The following LRSAM1 variants were observed in gnomAD, a reference collection of about 807,000 sequenced individuals.
LRSAM1 encodes the protein E3 ubiquitin-protein ligase LRSAM1.
In LRSAM1, 96 loss-of-function variants were observed where a neutral mutation model predicts 118.1. That is an observed-to-expected ratio of 0.81 (90% confidence interval 0.69 to 0.96). LRSAM1 has a LOEUF of 0.96. LRSAM1 is among the 40% of genes least tolerant of loss of function. LRSAM1 has a pLI of 0.00. For synonymous variants in LRSAM1, 322 were observed against 364.2 expected (o/e 0.88, Z 1.32); for missense variants, 804 against 915.5 (o/e 0.88, Z 1.57).
Position 127,491,256 on chromosome 9 carries a change from GGAGTTAAAGAGGAAGTCCCTGGACACA to G in LRSAM1, c.1469_1495del (p.Leu490_Glu498del). On this transcript the variant is annotated inframe_deletion, in exon 20 of 26. Coordinates refer to ENST00000300417, the MANE Select transcript of LRSAM1 (RefSeq NM_001005373.4). ...CTGAGTTATTGCAGCTGACACAGCT[GGAGTTAAAGAGGAAGTCCCTGGACACA>G]GAGTCACTCCAGGTATGTAGGGCTC... is the stretch of plus-strand genomic sequence containing the variant. The G allele has an allele frequency of 1.2e-6, 2 of 1,613,936 alleles. No homozygotes were observed. The highest frequency in any genetic ancestry group is 1.7e-6 in the Non-Finnish European group (2 of 1,180,010).
chr9:127,476,767 C>T (rs932962907), intron 11 of LRSAM1, among the ~76,000 whole-genome samples: 13 of 152,054 alleles, frequency 8.5e-5, no homozygotes, highest in African/African-American at 2.4e-4. Context: ...CTCTGCCTCT[C>T]AGGTTCAAGC....
intron 11 of LRSAM1, among the ~76,000 whole-genome samples, chr9:127,474,172 T>G (rs1183596665): frequency 6.6e-6 from 1 of 151,980 alleles, no homozygotes; most frequent in African/African-American, 2.4e-5. Context: ...TTCCCTGAAC[T>G]AACCATGATC....
intron 17 of LRSAM1, among the ~76,000 whole-genome samples, chr9:127,487,216 C>G (rs965146677): frequency 6.6e-6 from 1 of 151,418 alleles, no homozygotes; most frequent in African/African-American, 2.4e-5. Flanking sequence ...AAGATGGTGC[C>G]AAAGCACAAA....
chr9:127,490,832 A>C (rs1835907471), intron 19 of LRSAM1, among the ~76,000 whole-genome samples: 1 of 152,140 alleles, frequency 6.6e-6, no homozygotes, highest in South Asian at 2.1e-4. Flanking sequence ...TGCGAGGGAC[A>C]AGAGAACTTG....
At position 127,503,287 on chromosome 9, in the gene LRSAM1, G is replaced by T; in HGVS notation, c.*388G>T. 3.3e-6 allele frequency: 1 copy of T among 299,536 alleles called. No homozygotes were observed. Among genetic ancestry groups the T allele is most frequent in the South Asian group, 3.1e-5 (1 of 32,334 alleles). 18.6% of individuals were successfully genotyped at this position (299,536 alleles called of 1,614,324 possible). A position where few individuals can be genotyped will look rare whatever the true frequency, so the allele number is the denominator to read the frequency against. On this transcript the variant is annotated 3_prime_UTR_variant, in exon 26 of 26. Coordinates refer to ENST00000300417, the MANE Select transcript of LRSAM1 (RefSeq NM_001005373.4). Reference sequence around the variant, plus strand: ...ACAGGCCCGTCCCACCCTGCATGTGGGAAGGGAGCAGGAGGGCCTGGCTGG... The same window carrying T: ...ACAGGCCCGTCCCACCCTGCATGTGTGAAGGGAGCAGGAGGGCCTGGCTGG...
intron 25 of LRSAM1, among the ~76,000 whole-genome samples, 187 bp downstream of exon 25, chr9:127,501,330 C>A (rs1343594831): frequency 2.0e-5 from 3 of 152,050 alleles, no homozygotes; most frequent in Admixed American, 6.6e-5. Flanking sequence ...GCGCTCACAT[C>A]ATTTTCCGGA....
At chr9:127,482,211 C>T (rs575502037) in intron 15 of LRSAM1, among the ~76,000 whole-genome samples, 3 of 145,944 alleles carry the variant, frequency 2.1e-5, no homozygotes, top group South Asian at 2.1e-4. Flanking sequence ...GGCACGATCT[C>T]GGCTCACTGC....
In LRSAM1 at chr9:127,489,502, G is replaced by T; in HGVS notation, c.1406G>T (p.Arg469Leu). 6.2e-7 allele frequency: 1 copy of T among 1,608,802 alleles called. No homozygotes were observed. Among genetic ancestry groups the T allele is most frequent in the Non-Finnish European group, 8.5e-7 (1 of 1,178,324 alleles). ...CAGGTGAAGAAAGACCTGATGCATC[G>T]GCAGATCAGGAGCCAGGTGAGCGCT... ...ALQVKKDLMH[R>L]QIRSQIKLIE... The change falls in exon 19 of 26, where the codon CGG (arginine) becomes CTG (leucine). Residue 469 changes from arginine to leucine, a missense_variant. By Grantham distance (102) the Arg-to-Leu change is moderately radical (BLOSUM62 -2). Transcript: ENST00000300417.
chr9:127,482,627 G>A (rs1384193478), intron 15 of LRSAM1, among the ~76,000 whole-genome samples: 1 of 152,186 alleles, frequency 6.6e-6, no homozygotes, highest in South Asian at 2.1e-4. Context: ...TAGGTGAAAA[G>A]ATTTTACTTT....
chr9:127,477,515 C>T (rs547939145), intron 11 of LRSAM1, among the ~76,000 whole-genome samples: 122 of 151,612 alleles, frequency 8.0e-4, no homozygotes, highest in African/African-American at 2.8e-3. Flanking sequence ...TTTGGGAGGC[C>T]GAGTCGGGTG....
intron 2 of LRSAM1, among the ~76,000 whole-genome samples, chr9:127,453,325 A>G (rs1474177335): frequency 3.3e-5 from 5 of 152,120 alleles, no homozygotes; most frequent in Admixed American, 2.6e-4. Context: ...CAAGTGACCC[A>G]CCTGTCTTGG....
chr9:127,459,171 C>G, intron 7 of LRSAM1, 100 bp downstream of exon 7: 1 of 1,193,556 alleles, frequency 8.4e-7, no homozygotes, highest in Non-Finnish European at 1.2e-6. Flanking sequence ...CCAGTGGAAG[C>G]AGGCTGCAAT....
At chr9:127,461,283 G>T in intron 8 of LRSAM1, 26 bp downstream of exon 8, 3 of 1,600,748 alleles carry the variant, frequency 1.9e-6, no homozygotes, top group Middle Eastern at 1.7e-4. Flanking sequence ...CCGTGTCCGT[G>T]TGACCCTCCA....
intron 10 of LRSAM1, among the ~76,000 whole-genome samples, chr9:127,469,926 C>T (rs538123266): frequency 1.3e-5 from 2 of 152,280 alleles, no homozygotes; most frequent in East Asian, 1.9e-4. Flanking sequence ...GATTGCGCCA[C>T]TGCACTCCAG....
At chr9:127,499,347 C>T (rs1476774864) in intron 24 of LRSAM1, among the ~76,000 whole-genome samples, 1 of 151,906 alleles carries the variant, frequency 6.6e-6, no homozygotes, top group East Asian at 1.9e-4. Context: ...GCACTCCAGC[C>T]TGGAAAAGAG....
At chr9:127,462,123 G>A (rs1178340567) in intron 8 of LRSAM1, 129 bp from the exon 9 acceptor site, 1 of 1,325,816 alleles carries the variant, frequency 7.5e-7, no homozygotes, top group Non-Finnish European at 1.0e-6. Context: ...ACCTTCTTGA[G>A]CCTAGGAAAC....
At chr9:127,492,958 G>A in intron 21 of LRSAM1, 61 bp downstream of exon 21, 1 of 1,402,378 alleles carries the variant, frequency 7.1e-7, no homozygotes. Context: ...TAACAGACTT[G>A]CCATTTTTAG....
chr9:127,476,174 C>T (rs1027585850), intron 11 of LRSAM1, among the ~76,000 whole-genome samples: 2 of 152,132 alleles, frequency 1.3e-5, no homozygotes, highest in East Asian at 3.9e-4. Context: ...ATTGGATGCC[C>T]CCCAAATGTT....
rs1215804539 is a variant in LRSAM1 at position 127,492,786 on chromosome 9, G to A, written c.1504-16G>A. ...CCGCCAGCTCACGGTGGTGCGGGGT[G>A]TGGTCTTGTTCGCAGGAGATGATCT... On this transcript the variant is annotated splice_polypyrimidine_tract_variant and intron_variant, in intron 20 of 25. Transcript: ENST00000300417. The A allele has an allele frequency of 6.8e-6, 11 of 1,612,578 alleles. No homozygotes were observed. Among genetic ancestry groups the A allele is most frequent in the Non-Finnish European group, 9.3e-6 (11 of 1,179,386 alleles).
Sources: gnomAD v4.1 joint callset for allele counts (sites outside exome capture counted in the v4.1 genomes callset) on GRCh38, gnomAD v4.1.1 for gene constraint, MANE v1.5 for transcripts, NCBI Gene and HGNC (gene_info 2026-07-23, HGNC 2026-07-21) for gene names.